PSMA1: variants seen among roughly 807,000 people sequenced by gnomAD.
PSMA1 encodes the protein proteasome subunit alpha type-1.
A neutral mutation model predicts 38.4 loss-of-function variants in PSMA1; 3 were observed. The observed-to-expected ratio is 0.08, with a 90% CI of 0.04 to 0.20. The LOEUF (loss-of-function observed/expected upper bound fraction) is 0.20. PSMA1 is among the 10% of genes least tolerant of loss of function. PSMA1 has a pLI of 1.00. For synonymous variants in PSMA1, 101 were observed against 107.1 expected, an observed-to-expected ratio of 0.94 and a Z score of 0.35; for missense variants, 227 against 325.3, an observed-to-expected ratio of 0.70 and a Z score of 2.32.
chr11:14,513,551 A>C lies in PSMA1; in HGVS notation c.544+19T>G. The C allele has an allele frequency of 1.4e-6, 2 of 1,431,266 alleles. No homozygotes were observed. The highest frequency in any genetic ancestry group is 1.8e-6 in the Non-Finnish European group (2 of 1,093,234). 88.7% of individuals were successfully genotyped at this position (1,431,266 alleles called of 1,614,324 possible). On this transcript the variant is annotated intron_variant, in intron 7 of 9. Coordinates refer to ENST00000396394, the MANE Select transcript of PSMA1 (RefSeq NM_002786.4). The stretch of plus-strand genomic sequence containing the variant: ...AAAAGGCAAAAAAAAAAAAAAAAAA[A>C]AGCAAGGCTGTCACTTACACTCCAT...
chr11:14,537,556 T>A (rs954783331), intron 2 of PSMA1, among the ~76,000 whole-genome samples: 1 of 151,518 alleles, frequency 6.6e-6, no homozygotes, highest in African/African-American at 2.4e-5. Context: ...GTTTTTTTTT[T>A]TTTTCAGTTT....
intron 2 of PSMA1, chr11:14,610,875 G>T: frequency 2.3e-6 from 3 of 1,312,350 alleles, no homozygotes; most frequent in South Asian, 1.3e-5. Context: ...TTTCTCACAT[G>T]CTCCTCTAGG....
At chr11:14,599,699 C>T (rs186342566) in intron 2 of PSMA1, among the ~76,000 whole-genome samples, 70 of 152,260 alleles carry the variant, frequency 4.6e-4, no homozygotes, top group East Asian at 4.2e-3. Flanking sequence ...TCCTTTACCT[C>T]GGAGAAGTCT....
intron 8 of PSMA1, among the ~76,000 whole-genome samples, chr11:14,510,032 C>T (rs1473368691): frequency 1.3e-5 from 2 of 152,146 alleles, no homozygotes; most frequent in African/African-American, 4.8e-5. Context: ...CTCAATCTGT[C>T]GTTAAAATGC....
At chr11:14,579,388 T>G (rs1852255864) in intron 2 of PSMA1, among the ~76,000 whole-genome samples, 1 of 152,200 alleles carries the variant, frequency 6.6e-6, no homozygotes, top group Non-Finnish European at 1.5e-5. Flanking sequence ...TCTTTGTCTT[T>G]TACTCTTCTG....
intron 2 of PSMA1, among the ~76,000 whole-genome samples, chr11:14,573,335 C>A (rs1447235607): frequency 1.3e-5 from 2 of 152,170 alleles, no homozygotes; most frequent in Non-Finnish European, 2.9e-5. Context: ...GGCTTCGTCC[C>A]TGGGATGTAA....
chr11:14,635,467 A>C (rs531023341), intron 1 of PSMA1, among the ~76,000 whole-genome samples: 1 of 152,348 alleles, frequency 6.6e-6, no homozygotes, highest in African/African-American at 2.4e-5. Context: ...GGAGCGCTGC[A>C]GTTAATCCTG....
At chr11:14,624,092 T>C (rs1031034683) in intron 1 of PSMA1, among the ~76,000 whole-genome samples, 3 of 152,250 alleles carry the variant, frequency 2.0e-5, no homozygotes, top group Admixed American at 6.5e-5. Context: ...ATTGAACTCA[T>C]GACCATGGGA....
chr11:14,593,305 A>G (rs2134189465), intron 2 of PSMA1, among the ~76,000 whole-genome samples: 1 of 152,352 alleles, frequency 6.6e-6, no homozygotes, highest in Admixed American at 6.5e-5. Context: ...TATATCTACA[A>G]TCTGCAAGAG....
At chr11:14,508,275 A>G (rs914307613) in intron 8 of PSMA1, among the ~76,000 whole-genome samples, 1 of 152,088 alleles carries the variant, frequency 6.6e-6, no homozygotes, top group Non-Finnish European at 1.5e-5. Flanking sequence ...CGAAAACAGA[A>G]GCAATTAGAA....
chr11:14,512,968 T>G (rs1851369441), intron 7 of PSMA1, among the ~76,000 whole-genome samples: 1 of 152,230 alleles, frequency 6.6e-6, no homozygotes. Context: ...ATTAAACTAT[T>G]TTTCTCTGCA....
At chr11:14,509,198 C>T (rs991573528) in intron 8 of PSMA1, among the ~76,000 whole-genome samples, 6 of 152,198 alleles carry the variant, frequency 3.9e-5, no homozygotes, top group African/African-American at 9.6e-5. Flanking sequence ...TCCTCCCCAA[C>T]GCCTACTCTA....
upstream of PSMA1, among the ~76,000 whole-genome samples, chr11:14,522,701 A>C (rs1360282924): frequency 1.3e-5 from 2 of 151,814 alleles, no homozygotes; most frequent in Non-Finnish European, 2.9e-5. Context: ...TCCTCATATT[A>C]TTGTGTTAAT....
intron 2 of PSMA1, among the ~76,000 whole-genome samples, chr11:14,569,163 T>C (rs1467331148): frequency 6.6e-6 from 1 of 152,234 alleles, no homozygotes; most frequent in Non-Finnish European, 1.5e-5. Context: ...CACATTGTCA[T>C]CAGGCTGCAA....
chr11:14,584,490 T>A (rs954725201), intron 2 of PSMA1, among the ~76,000 whole-genome samples: 1 of 149,970 alleles, frequency 6.7e-6, no homozygotes, highest in African/African-American at 2.5e-5. Flanking sequence ...TGGTTTGGAG[T>A]GTTTTTTTTG....
At chr11:14,511,751 AAAG>A (rs1292671134) in intron 7 of PSMA1, among the ~76,000 whole-genome samples, 8 of 152,326 alleles carry the variant, frequency 5.3e-5, no homozygotes, top group Admixed American at 4.6e-4. Flanking sequence ...GGAACAAAAA[AAAG>A]AAGGTTTGTT....
At chr11:14,562,572 A>G (rs1409110438) in intron 2 of PSMA1, among the ~76,000 whole-genome samples, 1 of 152,184 alleles carries the variant, frequency 6.6e-6, no homozygotes, top group African/African-American at 2.4e-5. Flanking sequence ...TCCATGAAAG[A>G]GTTCTACAAC....
chr11:14,615,275 G>A (rs1852758330), intron 1 of PSMA1, among the ~76,000 whole-genome samples: 1 of 152,214 alleles, frequency 6.6e-6, no homozygotes, highest in South Asian at 2.1e-4. Flanking sequence ...GTGCTGGGTT[G>A]TTCTTTGCTG....
rs11023251 is a variant in PSMA1, at chr11:14,532,497, C to T, written c.22-13456G>A. Reference sequence around the variant, plus strand: ...GCACATGCCTGTAGTCCCAGCTACTCGGGAGGCTGAGGCAGAAGAATTGCT... The same window carrying T: ...GCACATGCCTGTAGTCCCAGCTACTTGGGAGGCTGAGGCAGAAGAATTGCT... On this transcript the variant is annotated intron_variant, in intron 2 of 10. Coordinates refer to the PSMA1 transcript ENST00000418988. 4.3e-3 allele frequency among the ~76,000 whole-genome samples: 657 copies of T among 151,142 alleles called. 23 individuals carry two copies. In the East Asian group the frequency reaches 0.076, roughly 17 times the overall value.
Sources: gnomAD v4.1 joint callset for allele counts (sites outside exome capture counted in the v4.1 genomes callset) on GRCh38, gnomAD v4.1.1 for gene constraint, MANE v1.5 for transcripts, NCBI Gene and HGNC (gene_info 2026-07-23, HGNC 2026-07-21) for gene names.